The following ANO4 variants were observed in gnomAD, a reference collection of about 807,000 sequenced individuals.
The protein encoded by ANO4 is anoctamin 4.
Under a neutral mutation model 141.9 loss-of-function variants are expected in ANO4, and 69 were observed. That is an observed-to-expected ratio of 0.49 (90% CI 0.40 to 0.59). The LOEUF is 0.59. Among genes scored for constraint, ANO4 ranks in the 20% least tolerant of loss-of-function variants. The pLI is 0.00. For synonymous variants in ANO4, 350 were observed against 394.3 expected (o/e 0.89, Z 1.33); for missense variants, 894 against 1,162.2 (o/e 0.77, Z 3.36).
At chr12:100,828,056 T>A (rs1421149791) in intron 1 of ANO4, among the ~76,000 whole-genome samples, 2 of 151,824 alleles carry the variant, frequency 1.3e-5, no homozygotes, top group Non-Finnish European at 2.9e-5. Context: ...GTTAAAAAAT[T>A]TTTTTTTGAT....
chr12:100,917,601 A>G (rs1445289907), intron 2 of ANO4, among the ~76,000 whole-genome samples: 1 of 152,204 alleles, frequency 6.6e-6, no homozygotes. Flanking sequence ...TTGAAGATTC[A>G]TTGGTACACT....
At chr12:100,849,363 A>G (rs975130592) in intron 1 of ANO4, among the ~76,000 whole-genome samples, 2 of 152,236 alleles carry the variant, frequency 1.3e-5, no homozygotes, top group Non-Finnish European at 2.9e-5. Context: ...CAAATTTTAA[A>G]GATAAAATAG....
chr12:100,851,207 AT>A (rs1445379960), intron 1 of ANO4, among the ~76,000 whole-genome samples: 3 of 152,178 alleles, frequency 2.0e-5, no homozygotes, highest in Non-Finnish European at 4.4e-5. Context: ...TCCATATCAT[AT>A]ATTCTTTTAA....
intron 3 of ANO4, among the ~76,000 whole-genome samples, chr12:100,760,991 T>G (rs2032834855): frequency 6.6e-6 from 1 of 152,172 alleles, no homozygotes; most frequent in Non-Finnish European, 1.5e-5. Flanking sequence ...ACTTTCTCCC[T>G]TCTTCTTTCT....
At chr12:100,962,782 T>C (rs2043482978) in intron 5 of ANO4, among the ~76,000 whole-genome samples, 1 of 152,182 alleles carries the variant, frequency 6.6e-6, no homozygotes, top group African/African-American at 2.4e-5. Context: ...CTAGGCTCTT[T>C]TTTAAGGACT....
chr12:100,988,872 G>GAAAAAAAAAAAAAAAAAAAAAAAA lies in ANO4; in HGVS notation c.734+1218_734+1219insAAAAAAAAAAAAAAAAAAAAAAAA, dbSNP rs748666892. 1.8e-4 allele frequency among the ~76,000 whole-genome samples: 12 copies of GAAAAAAAAAAAAAAAAAAAAAAAA among 65,040 alleles called. 4 individuals are homozygous for GAAAAAAAAAAAAAAAAAAAAAAAA. The highest frequency in any genetic ancestry group is 4.5e-4 in the African/African-American group (7 of 15,474). The allele number at this position is 65,040 out of a possible 152,430, so 42.7% of individuals were successfully genotyped here. A position where few individuals can be genotyped will look rare whatever the true frequency, so the allele number is the denominator to read the frequency against. ...GGTGACAGAGTGAGACTCTGTCTCA[G>GAAAAAAAAAAAAAAAAAAAAAAAA]AAAAAAAAAAAAAAAAGAAAGAAAA... is the stretch of plus-strand genomic sequence containing the variant. On this transcript the variant is annotated intron_variant, in intron 8 of 27. Transcript: ENST00000392977.
rs187337181 is a variant in ANO4, at chr12:101,052,466, G to A, written c.1312+4065G>A. ...ATTATTTCCCTCTGTTCTGTTTCTG[G>A]TTTGGTTTGTTTTTTTTCTCTCTCT... On this transcript the variant is annotated intron_variant, in intron 14 of 27. Transcript: ENST00000392977. 7.9e-5 allele frequency among the ~76,000 whole-genome samples: 12 copies of A among 152,166 alleles called. No homozygotes were observed. In the East Asian group the frequency reaches 2.1e-3, roughly 27 times the overall value.
At chr12:101,005,612 G>A (rs2045837532) in intron 8 of ANO4, among the ~76,000 whole-genome samples, 1 of 152,042 alleles carries the variant, frequency 6.6e-6, no homozygotes, top group Admixed American at 6.6e-5. Context: ...CTGTAAATTG[G>A]AAATAATAAA....
intron 3 of ANO4, among the ~76,000 whole-genome samples, chr12:100,922,930 C>T (rs1306035188): frequency 6.6e-6 from 1 of 152,002 alleles, no homozygotes; most frequent in Non-Finnish European, 1.5e-5. Context: ...AAATATTTAG[C>T]ATTGAGGATG....
At chr12:101,013,240 G>A (rs1447028166) in intron 8 of ANO4, among the ~76,000 whole-genome samples, 1 of 152,188 alleles carries the variant, frequency 6.6e-6, no homozygotes, top group East Asian at 1.9e-4. Context: ...ATGTCAAACA[G>A]GCAGTTGAAT....
intron 8 of ANO4, among the ~76,000 whole-genome samples, chr12:101,015,996 T>C (rs12820468): frequency 0.3 from 45,985 of 152,036 alleles, 7,568 homozygotes; most frequent in Non-Finnish European, 0.38. Flanking sequence ...AATGAAAGTG[T>C]TCCACACCCC....
intron 1 of ANO4, among the ~76,000 whole-genome samples, chr12:100,891,551 T>C (rs1300076333): frequency 6.6e-6 from 1 of 152,226 alleles, no homozygotes; most frequent in Non-Finnish European, 1.5e-5. Context: ...TGTTTTAATT[T>C]GCAATTAATT....
At chr12:100,797,556 A>G (rs1354029810) in intron 1 of ANO4, among the ~76,000 whole-genome samples, 3 of 152,152 alleles carry the variant, frequency 2.0e-5, no homozygotes, top group Admixed American at 6.5e-5. Context: ...ATGCCTTGCA[A>G]CTGATTTTGC....
At chr12:100,922,166 C>T in intron 2 of ANO4, 60 bp from the exon 3 acceptor site, 1 of 1,258,664 alleles carries the variant, frequency 7.9e-7, no homozygotes. Flanking sequence ...TCCTTGGGAC[C>T]CTAATGACAG....
chr12:101,048,959 G>A (rs1593123035), intron 14 of ANO4, among the ~76,000 whole-genome samples: 1 of 152,180 alleles, frequency 6.6e-6, no homozygotes. Flanking sequence ...ACTAGGCTGT[G>A]TGATTTTTGG....
At chr12:100,783,939 A>AGTGGGACCTAACCTAATTT in intron 3 of ANO4, among the ~76,000 whole-genome samples, 1 of 152,068 alleles carries the variant, frequency 6.6e-6, no homozygotes, top group African/African-American at 2.4e-5. Flanking sequence ...GCAACTAATT[A>AGTGGGACCTAACCTAATTT]GTGGGACCTA....
At chr12:100,994,800 T>G (rs965419602) in intron 8 of ANO4, among the ~76,000 whole-genome samples, 8 of 152,170 alleles carry the variant, frequency 5.3e-5, no homozygotes, top group Non-Finnish European at 8.8e-5. Flanking sequence ...AGGCAAAAAT[T>G]CCTGCCCTCC....
intron 1 of ANO4, among the ~76,000 whole-genome samples, chr12:100,895,282 G>A (rs1012497284): frequency 1.3e-5 from 2 of 152,114 alleles, no homozygotes; most frequent in African/African-American, 4.8e-5. Flanking sequence ...CACATAGACA[G>A]CATTGCTGTG....
At chr12:100,886,831 G>A (rs1037831210) in intron 1 of ANO4, among the ~76,000 whole-genome samples, 1 of 152,110 alleles carries the variant, frequency 6.6e-6, no homozygotes, top group Non-Finnish European at 1.5e-5. Flanking sequence ...AAAAAAACAT[G>A]CTGACCCCTT....
Sources: gnomAD v4.1 joint callset for allele counts (sites outside exome capture counted in the v4.1 genomes callset) on GRCh38, gnomAD v4.1.1 for gene constraint, MANE v1.5 for transcripts, NCBI Gene and HGNC (gene_info 2026-07-23, HGNC 2026-07-21) for gene names.